DNAH7: variants seen among roughly 807,000 people sequenced by gnomAD.
The protein encoded by DNAH7 is axonemal beta dynein heavy chain 7.
DNAH7 carries 397 observed loss-of-function variants against 444.6 expected under a neutral mutation model. That is an observed-to-expected ratio of 0.89 (90% CI 0.82 to 0.97). The LOEUF (loss-of-function observed/expected upper bound fraction) is 0.97. DNAH7 is among the 50% of genes least tolerant of loss of function. The pLI, the probability that DNAH7 is intolerant of heterozygous loss-of-function variation, is 0.00. For synonymous variants in DNAH7, 1,636 were observed against 1,624.4 expected (o/e 1.01, Z -0.17); for missense variants, 4,902 against 4,800.8 (o/e 1.02, Z -0.62).
At position 195,778,695 on chromosome 2, in the gene DNAH7, TATATATATACAC is replaced by T. The variant is rs1413365448; in HGVS notation, c.10879-722_10879-711del. Among the ~76,000 whole-genome samples, 829 of 89,788 alleles carry T rather than the reference TATATATATACAC, an allele frequency of 9.2e-3. 16 individuals carry two copies. Among genetic ancestry groups the T allele is most frequent in the African/African-American group, 0.032 (768 of 24,024 alleles). 58.9% of individuals were successfully genotyped at this position (89,788 alleles called of 152,430 possible). On this transcript the variant is annotated intron_variant, in intron 58 of 64. Coordinates refer to ENST00000312428, the MANE Select transcript of DNAH7 (RefSeq NM_018897.3). Reference sequence around the variant, plus strand: ...ACACACACACACATATATATACACATATATATATACACATATATATACACATATATATATACA... The same window carrying T: ...ACACACACACACATATATATACACATATATATATACACATATATATATACA...
chr2:195,858,883 C>T lies in DNAH7; in HGVS notation c.7737-79G>A, dbSNP rs138878299. On this transcript the variant is annotated intron_variant, in intron 42 of 64. Coordinates refer to ENST00000312428, the MANE Select transcript of DNAH7 (RefSeq NM_018897.3). Reference sequence around the variant, plus strand: ...AAGGAAAAACTTAAGTGTTTCTGAGCTTTCTAGGCTTTTTCAAGACATAAC... The same window carrying T: ...AAGGAAAAACTTAAGTGTTTCTGAGTTTTCTAGGCTTTTTCAAGACATAAC... 2,509 of 1,220,570 alleles carry T rather than the reference C, an allele frequency of 2.1e-3. 18 individuals are homozygous for T. Among genetic ancestry groups the T allele is most frequent in the South Asian group, 6.8e-3 (451 of 65,946 alleles). The allele number at this position is 1,220,570 out of a possible 1,614,324, so 75.6% of individuals were successfully genotyped here.
intron 58 of DNAH7, among the ~76,000 whole-genome samples, chr2:195,782,507 A>AT (rs1695435525): frequency 6.6e-6 from 1 of 152,186 alleles, no homozygotes; most frequent in African/African-American, 2.4e-5. Flanking sequence ...ATTATTTATC[A>AT]TTTTTTATTT....
rs143331673 is a variant in DNAH7, at chr2:195,920,491, T to C, written c.3935+1597A>G. 1.4e-3 allele frequency among the ~76,000 whole-genome samples: 215 copies of C among 152,268 alleles called. 1 individual carries two copies. The highest frequency in any genetic ancestry group is 5.1e-3 in the African/African-American group (211 of 41,562). ...GGGAAAGGACATGCTATTCAACAAA[T>C]GTGTTGGGATAACTGGCAAGCCATA... On this transcript the variant is annotated intron_variant, in intron 24 of 64. Transcript: ENST00000312428.
intron 19 of DNAH7, among the ~76,000 whole-genome samples, chr2:195,937,606 T>C (rs935379625): frequency 7.9e-5 from 12 of 152,210 alleles, no homozygotes; most frequent in Non-Finnish European, 1.6e-4. Context: ...TCAAAATATC[T>C]ATACAGTAAC....
chr2:195,799,340 C>T lies in DNAH7; in HGVS notation c.10309G>A (p.Gly3437Arg). The change falls in exon 55 of 65, where the codon GGA (glycine) becomes AGA (arginine). Residue 3437 changes from glycine to arginine, a missense_variant. Physicochemically the swap from Gly to Arg is moderately radical, Grantham distance 125. Transcript: ENST00000312428. ...AGAAGGGCAGCCATGGGATCTGCTC[C>T]AGGAGAGAGCACGAAAATCAGTGGT... is the stretch of plus-strand genomic sequence containing the variant. ...CAPLIFVLSP[G>R]ADPMAALLKF... The T allele has an allele frequency of 6.2e-7, 1 of 1,610,478 alleles. No individual in the cohort carries two copies. Among genetic ancestry groups the T allele is most frequent in the Non-Finnish European group, 8.5e-7 (1 of 1,178,338 alleles).
In DNAH7 at chr2:195,884,735, C is replaced by A; in HGVS notation, c.5613G>T (p.Lys1871Asn). 1 of 1,614,132 alleles carries A rather than the reference C, an allele frequency of 6.2e-7. No homozygotes were observed. The highest frequency in any genetic ancestry group is 1.1e-5 in the South Asian group (1 of 91,074). Reference protein sequence around the residue: ...CTDDDRLKFNKILRELMESPI... With the variant: ...CTDDDRLKFNNILRELMESPI... Reference sequence around the variant, plus strand: ...GACTTTCCATTAGTTCTCGAAGAATCTTATTAAATTTCAATCGATCATCAT... The same window carrying A: ...GACTTTCCATTAGTTCTCGAAGAATATTATTAAATTTCAATCGATCATCAT... The change falls in exon 35 of 65, where the codon AAG becomes AAT. Residue 1871 changes from lysine (K) to asparagine (N), a missense_variant. Transcript: ENST00000312428.
intron 10 of DNAH7, among the ~76,000 whole-genome samples, chr2:196,003,164 A>G: frequency 6.9e-6 from 1 of 144,258 alleles, no homozygotes; most frequent in East Asian, 2.0e-4. Context: ...AATTTCACCA[A>G]AAAAAAAAAA....
chr2:195,758,097 C>T (rs866277498), intron 61 of DNAH7, among the ~76,000 whole-genome samples: 1 of 152,174 alleles, frequency 6.6e-6, no homozygotes, highest in South Asian at 2.1e-4. Context: ...CTTTATCTTC[C>T]AGGAAGGACA....
intron 48 of DNAH7, among the ~76,000 whole-genome samples, chr2:195,833,522 T>C (rs1675111567): frequency 1.3e-5 from 2 of 152,226 alleles, no homozygotes; most frequent in African/African-American, 4.8e-5. Flanking sequence ...CATAAGGGCT[T>C]ACCTTTATTT....
At chr2:195,919,191 A>C (rs530485031) in intron 24 of DNAH7, among the ~76,000 whole-genome samples, 1 of 150,874 alleles carries the variant, frequency 6.6e-6, no homozygotes, top group Admixed American at 6.6e-5. Context: ...CGGAGGTTGC[A>C]GTGAGCTGAG....
intron 24 of DNAH7, among the ~76,000 whole-genome samples, chr2:195,914,476 CT>C (rs1383254440): frequency 6.6e-6 from 1 of 152,190 alleles, no homozygotes; most frequent in Admixed American, 6.5e-5. Context: ...GGGCCTGCCC[CT>C]GTGCCATACA....
rs1696882014 is a variant in DNAH7, at chr2:195,809,859, G to A, written c.9774C>T (p.Leu3258=). 6.4e-7 allele frequency: 1 copy of A among 1,566,208 alleles called. No homozygotes were observed. The highest frequency in any genetic ancestry group is 8.6e-7 in the Non-Finnish European group (1 of 1,156,556). ...ACAGTGAATAAGTAAAGTGATCCTT[G>A]AGAATCTGAAGCCTAAGGGTCAACA... ...SEILAKRLQI[L]KDHFTYSLYV... is the part of the protein sequence containing the mutation. The change falls in exon 52 of 65, where the codon CTC becomes CTT. Residue 3258 remains leucine, a synonymous_variant. Transcript: ENST00000312428.
intron 27 of DNAH7, chr2:195,905,366 A>T (rs564552588): frequency 7.9e-5 from 12 of 152,308 alleles, no homozygotes; most frequent in African/African-American, 2.2e-4. Flanking sequence ...ACCATTTTTC[A>T]TTTGTTAATC....
chr2:195,853,585 C>T, intron 45 of DNAH7, 57 bp from the exon 46 acceptor site: 1 of 1,490,774 alleles, frequency 6.7e-7, no homozygotes, highest in African/African-American at 1.4e-5. Flanking sequence ...GTTTAAAATT[C>T]TGCAAGATTT....
At chr2:195,948,516 C>T (rs956778525) in intron 19 of DNAH7, among the ~76,000 whole-genome samples, 5 of 152,160 alleles carry the variant, frequency 3.3e-5, no homozygotes, top group Admixed American at 1.3e-4. Context: ...CTATGGCTAG[C>T]CAGTTTTCCC....
chr2:196,051,347 C>T (rs1697455126), intron 2 of DNAH7, 98 bp from the exon 3 acceptor site: 1 of 885,720 alleles, frequency 1.1e-6, no homozygotes, highest in Non-Finnish European at 1.9e-6. Context: ...TTAAAAAGTA[C>T]ATATTATCCA....
chr2:195,846,931 C>T (rs903696220), intron 46 of DNAH7, among the ~76,000 whole-genome samples: 2 of 141,892 alleles, frequency 1.4e-5, no homozygotes, highest in South Asian at 2.2e-4. Flanking sequence ...GTTAATACTA[C>T]GTAATAAACT....
chr2:195,968,363 CT>C (rs1691621514), intron 17 of DNAH7, among the ~76,000 whole-genome samples: 1 of 152,160 alleles, frequency 6.6e-6, no homozygotes, highest in Non-Finnish European at 1.5e-5. Flanking sequence ...CCTTCAAGGC[CT>C]TCAAGGCAGT....
intron 15 of DNAH7, among the ~76,000 whole-genome samples, chr2:195,978,665 T>C (rs1692359825): frequency 6.6e-6 from 1 of 152,088 alleles, no homozygotes; most frequent in Non-Finnish European, 1.5e-5. Context: ...CCAGTGATCT[T>C]TCACCTACAA....
Sources: allele counts gnomAD v4.1 joint callset (sites outside exome capture counted in the v4.1 genomes callset), GRCh38; gene constraint gnomAD v4.1.1; transcripts MANE v1.5; gene names NCBI Gene and HGNC (gene_info 2026-07-23, HGNC 2026-07-21).